ZSWIM9: variants seen among roughly 807,000 people sequenced by gnomAD.
ZSWIM9 encodes uncharacterized protein ZSWIM9.
In ZSWIM9, 11 loss-of-function variants were observed where a neutral mutation model predicts 25.0. The ratio of observed to expected loss-of-function variants is 0.44; its 90% CI spans 0.28 to 0.73. ZSWIM9 has a LOEUF of 0.73. Ranked by LOEUF, ZSWIM9 falls within the 30% of genes least tolerant of loss-of-function variation. ZSWIM9 has a pLI of 0.16. For synonymous variants in ZSWIM9, 562 were observed against 582.1 expected (o/e 0.97, Z 0.50); for missense variants, 1,070 against 1,296.5 (o/e 0.83, Z 2.68).
In ZSWIM9 at chr19:48,195,705, G is replaced by A. The variant is rs1254294805; in HGVS notation, c.1641G>A (p.Glu547=). Residue 547 remains glutamate, a synonymous_variant, in exon 4 of 4, where the codon GAG becomes GAA. Coordinates refer to ENST00000614654, the MANE Select transcript of ZSWIM9 (RefSeq NM_199341.4). This position sits in a 1 kb window ranked among gnomAD's most constrained non-coding sequence, Gnocchi z 5.8. ...EGGVLRGSKL[E]KGHLRGPEIR... is the part of the protein sequence containing the mutation. ...GTGTCTTGAGAGGGTCGAAGTTAGA[G>A]AAAGGGCACCTGAGAGGGCCAGAGA... The A allele has an allele frequency of 6.8e-6, 10 of 1,466,530 alleles. No individual in the cohort carries two copies. Among genetic ancestry groups the A allele is most frequent in the African/African-American group, 5.7e-5 (4 of 69,772 alleles). 90.8% of individuals were successfully genotyped at this position (1,466,530 alleles called of 1,614,324 possible). A position where few individuals can be genotyped will look rare whatever the true frequency, so the allele number is the denominator to read the frequency against.
rs577001810 is a variant in ZSWIM9, at chr19:48,197,219, G to C, written c.*392G>C. 3.1e-4 allele frequency: 218 copies of C among 702,352 alleles called. No individual in the cohort carries two copies. The highest frequency in any genetic ancestry group is 2.4e-3 in the African/African-American group (137 of 57,170). 43.5% of individuals were successfully genotyped at this position (702,352 alleles called of 1,614,324 possible). ...TAGACTGGCCAGTCTAGGGAGTGCA[G>C]CGGGGAGAGGGGAAAGGGAGAAAGT... On this transcript the variant is annotated 3_prime_UTR_variant, in exon 4 of 4. Coordinates refer to ENST00000614654, the MANE Select transcript of ZSWIM9 (RefSeq NM_199341.4).
rs773871921 is a variant in ZSWIM9, at chr19:48,197,536, T to G, written c.*709T>G. The G allele has an allele frequency of 3.3e-4, 152 of 456,230 alleles. No individual in the cohort carries two copies. The highest frequency in any genetic ancestry group is 3.9e-4 in the Non-Finnish European group (99 of 251,420). The allele number at this position is 456,230 out of a possible 1,614,324, so 28.3% of individuals were successfully genotyped here. On this transcript the variant is annotated 3_prime_UTR_variant, in exon 4 of 4. Coordinates refer to ENST00000614654, the MANE Select transcript of ZSWIM9 (RefSeq NM_199341.4). ...CTGAAGAGAGAGGGAGGGCGGGCAC[T>G]GGGGGTCAGGAGAGTCTCCAGCAGG...
At chr19:48,184,562 A>T (rs2036989760) in intron 3 of ZSWIM9, among the ~76,000 whole-genome samples, 1 of 152,178 alleles carries the variant, frequency 6.6e-6, no homozygotes, top group African/African-American at 2.4e-5. Flanking sequence ...TCTCATGCCC[A>T]GTAAGAAGCC....
In ZSWIM9 at chr19:48,195,885, C is replaced by G; in HGVS notation, c.1821C>G (p.Thr607=). 7.1e-7 allele frequency: 1 copy of G among 1,400,736 alleles called. No individual in the cohort carries two copies. Among genetic ancestry groups the G allele is most frequent in the South Asian group, 1.6e-5 (1 of 60,928 alleles). 86.8% of individuals were successfully genotyped at this position (1,400,736 alleles called of 1,614,324 possible). ...AGCTGGAAGATCGCAGGAGTACCAC[C>G]GACCTGAGGGGGACCCAGTTTGACT... ...VAQLEDRRST[T]DLRGTQFDYE... Residue 607 remains threonine, a synonymous_variant, in exon 4 of 4, where the codon ACC becomes ACG. Transcript: ENST00000614654. This position sits in a 1 kb window ranked among gnomAD's most constrained non-coding sequence, Gnocchi z 5.8.
rs1433417001 is a variant in ZSWIM9 at position 48,195,330 on chromosome 19, C to T, written c.1266C>T (p.Gly422=). ...TGCGTCGTCTCAGCCCCTCGCGTGG[C>T]GTGGCGCAGTGCCTTCGCGACCTGG... The part of the protein sequence containing the change: ...RLLRRLSPSR[G]VAQCLRDLVA... Residue 422 remains glycine, a synonymous_variant, in exon 4 of 4, where the codon GGC becomes GGT. Transcript: ENST00000614654. The surrounding 1 kb of genome is among the most constrained non-coding windows in gnomAD (Gnocchi z 5.8). 2.6e-6 allele frequency: 4 copies of T among 1,529,560 alleles called. No individual in the cohort carries two copies. The South Asian group carries it at 3.6e-5, about 14-fold the overall frequency. 94.7% of individuals were successfully genotyped at this position (1,529,560 alleles called of 1,614,324 possible). A position where few individuals can be genotyped will look rare whatever the true frequency, so the allele number is the denominator to read the frequency against.
At chr19:48,193,606 G>A (rs1276350555) in intron 3 of ZSWIM9, among the ~76,000 whole-genome samples, 4 of 152,224 alleles carry the variant, frequency 2.6e-5, no homozygotes. Context: ...CTTGCCAAAG[G>A]GTGGTAAGTG....
rs2037171561 is a variant in ZSWIM9, at chr19:48,196,716, C to T, written c.2652C>T (p.Ala884=). ...CACGCTGCAGCTGCTCAATTCACGC[C>T]GCCCGCCGTCTGCCCTGCAGACACC... ...ALTRCSCSIH[A]ARRLPCRHLF... is the part of the protein sequence containing the mutation. Residue 884 remains alanine, a synonymous_variant, in exon 4 of 4, where the codon GCC becomes GCT. Coordinates refer to ENST00000614654, the MANE Select transcript of ZSWIM9 (RefSeq NM_199341.4). The T allele has an allele frequency of 8.1e-7, 1 of 1,232,990 alleles. No homozygotes were observed. Among genetic ancestry groups the T allele is most frequent in the Non-Finnish European group, 1.0e-6 (1 of 988,632 alleles). 76.4% of individuals were successfully genotyped at this position (1,232,990 alleles called of 1,614,324 possible).
chr19:48,187,517 ATATT>A (rs1232163556), intron 3 of ZSWIM9, among the ~76,000 whole-genome samples: 1 of 84,084 alleles, frequency 1.2e-5, no homozygotes, highest in African/African-American at 5.2e-5. Context: ...TATATTATAT[ATATT>A]ATATATTATA....
intron 1 of ZSWIM9, chr19:48,171,235 C>G (rs2036799813): frequency 1.0e-6 from 1 of 985,322 alleles, no homozygotes; most frequent in Admixed American, 6.1e-5. Flanking sequence ...CTGGGGAGTG[C>G]GGAGCCACAG....
chr19:48,191,640 G>A (rs1020739574), intron 3 of ZSWIM9, among the ~76,000 whole-genome samples: 1 of 152,192 alleles, frequency 6.6e-6, no homozygotes, highest in African/African-American at 2.4e-5. Context: ...AGTAGTAAAG[G>A]CATGGTTTCT....
intron 2 of ZSWIM9, among the ~76,000 whole-genome samples, chr19:48,178,329 A>G (rs2123199808): frequency 6.6e-6 from 1 of 152,296 alleles, no homozygotes; most frequent in South Asian, 2.1e-4. Flanking sequence ...CTTCTGGTTT[A>G]ACAAAGAAAA....
chr19:48,187,116 T>A lies in ZSWIM9; in HGVS notation c.588+4349T>A, dbSNP rs184628755. On this transcript the variant is annotated intron_variant, in intron 3 of 3. Transcript: ENST00000614654. The stretch of plus-strand genomic sequence containing the variant: ...CAATTGCTGGCTTAGGATTCATGGG[T>A]TTTTAGGGGTGGGGTGGGATTAGCA... Among the ~76,000 whole-genome samples, 10 of 150,784 alleles carry A rather than the reference T, an allele frequency of 6.6e-5. No individual in the cohort carries two copies. In the East Asian group the frequency reaches 1.9e-3, roughly 29 times the overall value.
At chr19:48,183,689 T>C (rs996211993) in intron 3 of ZSWIM9, among the ~76,000 whole-genome samples, 1 of 150,492 alleles carries the variant, frequency 6.6e-6, no homozygotes, top group Non-Finnish European at 1.5e-5. Context: ...CCAGGCTGAG[T>C]GCAGTGGTGC....
intron 3 of ZSWIM9, among the ~76,000 whole-genome samples, chr19:48,190,857 G>T (rs2037085266): frequency 6.6e-6 from 1 of 152,174 alleles, no homozygotes; most frequent in Non-Finnish European, 1.5e-5. Context: ...TTCACATGAA[G>T]CCATTTTGGG....
intron 1 of ZSWIM9, chr19:48,171,158 G>A (rs532364899): frequency 5.0e-5 from 44 of 880,616 alleles, no homozygotes; most frequent in Admixed American, 6.2e-5. Flanking sequence ...CCCAGCTACA[G>A]CTGCATGTGG....
chr19:48,176,619 C>T (rs10426345), intron 2 of ZSWIM9, among the ~76,000 whole-genome samples: 30,190 of 151,846 alleles, frequency 0.2, 3,810 homozygotes, highest in African/African-American at 0.36. Context: ...GAGGGTTGAC[C>T]GTGCCATGGA....
chr19:48,186,331 A>C, intron 3 of ZSWIM9, among the ~76,000 whole-genome samples: 1 of 148,802 alleles, frequency 6.7e-6, no homozygotes, highest in Non-Finnish European at 1.5e-5. Context: ...ACAGGGTTTC[A>C]CTCCTGTCAC....
rs2037160267 is a variant in ZSWIM9 at position 48,196,033 on chromosome 19, G to C, written c.1969G>C (p.Gly657Arg). 3 of 1,263,886 alleles carry C rather than the reference G, an allele frequency of 2.4e-6. No homozygotes were observed. Among genetic ancestry groups the C allele is most frequent in the Admixed American group, 4.1e-5 (1 of 24,396 alleles). The allele number at this position is 1,263,886 out of a possible 1,614,324, so 78.3% of individuals were successfully genotyped here. The change falls in exon 4 of 4, where the codon GGG (glycine) becomes CGG (arginine). Residue 657 changes from glycine to arginine, a missense_variant. This residue lies in a region of ZSWIM9 where 583 missense variants were observed against 624.7 expected (regional missense o/e 0.93). Coordinates refer to ENST00000614654, the MANE Select transcript of ZSWIM9 (RefSeq NM_199341.4). ...ACAGTCAGAAGTAGAGAAGGGGAGG[G>C]GGCTGGAGGTCAGAAACTTGAGGGG... ...GPQSEVEKGR[G>R]LEVRNLRGIP...
At chr19:48,184,675 G>A (rs2036990817) in intron 3 of ZSWIM9, among the ~76,000 whole-genome samples, 1 of 152,132 alleles carries the variant, frequency 6.6e-6, no homozygotes, top group Non-Finnish European at 1.5e-5. Context: ...ACTACCCTAA[G>A]TGCTTTACAT....
Sources: allele counts gnomAD v4.1 joint callset (sites outside exome capture counted in the v4.1 genomes callset), GRCh38; gene constraint gnomAD v4.1.1; regional missense constraint gnomAD v4.1.1; non-coding constraint Gnocchi (gnomAD v3.1); transcripts MANE v1.5; gene names NCBI Gene and HGNC (gene_info 2026-07-23, HGNC 2026-07-21).